VWF: variants seen among roughly 807,000 people sequenced by gnomAD.
The protein encoded by VWF is von Willebrand factor, also known as Factor VIII related antigen.
Under a neutral mutation model 308.6 loss-of-function variants are expected in VWF, and 176 were observed. The ratio of observed to expected loss-of-function variants is 0.57; its 90% CI spans 0.50 to 0.65. VWF has a LOEUF of 0.65. VWF is among the 30% of genes least tolerant of loss of function. The pLI is 0.00. For missense variants in VWF, 3,146 were observed against 3,648.2 expected (o/e 0.86, Z 3.55); for synonymous variants, 1,385 against 1,443.4 (o/e 0.96, Z 0.92).
chr12:6,059,713 T>G lies in VWF; in HGVS notation c.1534-1669A>C, dbSNP rs376214106. On this transcript the variant is annotated intron_variant, in intron 13 of 51. Transcript: ENST00000261405. ...CCTCGTAACACCATCACCTTGGGGG[T>G]TAGGATTTCAACATATAAATTTGGG... Among the ~76,000 whole-genome samples the G allele has an allele frequency of 5.3e-5, 8 of 152,190 alleles. No homozygotes were observed. The South Asian group carries it at 8.3e-4, about 16-fold the overall frequency.
At chr12:5,993,781 T>C (rs1420576951) in intron 37 of VWF, 81 bp downstream of exon 37, 40 of 1,336,798 alleles carry the variant, frequency 3.0e-5, no homozygotes, top group Non-Finnish European at 4.2e-5. Flanking sequence ...ATTAGCCAGA[T>C]AAAGAATCTG....
chr12:6,039,475 G>A (rs925743991), intron 18 of VWF, among the ~76,000 whole-genome samples: 5 of 152,136 alleles, frequency 3.3e-5, no homozygotes, highest in Admixed American at 1.3e-4. Context: ...AGTACTTTCA[G>A]GCCAAAGCAG....
intron 21 of VWF, among the ~76,000 whole-genome samples, chr12:6,030,645 G>T (rs1003299033): frequency 8.5e-5 from 13 of 152,146 alleles, no homozygotes; most frequent in African/African-American, 3.1e-4. Flanking sequence ...TTTTAAACAA[G>T]ATCTCCTAAG....
In VWF at chr12:6,049,323, C is replaced by T. The variant is rs1944481752; in HGVS notation, c.2187-2506G>A. ...TCAGCCCTGGTGCCTAAAAGAGAGACAAGGAGGACGCAGACATGGAGAGGT... is the reference window on the plus strand; with the variant it reads ...TCAGCCCTGGTGCCTAAAAGAGAGATAAGGAGGACGCAGACATGGAGAGGT... On this transcript the variant is annotated intron_variant, in intron 16 of 51. Transcript: ENST00000261405. 2.0e-5 allele frequency among the ~76,000 whole-genome samples: 3 copies of T among 152,298 alleles called. 1 individual carries two copies. The South Asian group carries it at 6.2e-4, about 32-fold the overall frequency.
chr12:5,990,895 AAAAAAAAAAAAAAT>A (rs1249546849), intron 38 of VWF, among the ~76,000 whole-genome samples: 10,506 of 59,182 alleles, frequency 0.18, 1,126 homozygotes, highest in Non-Finnish European at 0.22. Flanking sequence ...AAAAAAAAAA[AAAAAAAAAAAAAAT>A]TTTGATGACT....
At chr12:5,964,234 A>ACATGCATGCATGCATG (rs1555189783) in intron 47 of VWF, among the ~76,000 whole-genome samples, 27 of 144,106 alleles carry the variant, frequency 1.9e-4, no homozygotes, top group African/African-American at 7.1e-4. Flanking sequence ...ATACATACAT[A>ACATGCATGCATGCATG]CATACATACA....
chr12:5,974,271 C>A (rs954979120), intron 43 of VWF, among the ~76,000 whole-genome samples: 4 of 152,132 alleles, frequency 2.6e-5, no homozygotes, highest in Admixed American at 1.3e-4. Flanking sequence ...CCTCCCACGT[C>A]CCCTGAGATT....
chr12:6,042,471 G>A (rs368029301), intron 18 of VWF, among the ~76,000 whole-genome samples: 23 of 152,318 alleles, frequency 1.5e-4, no homozygotes, highest in African/African-American at 5.1e-4. Context: ...GGCACGCTGC[G>A]CACCCTTAAT....
Position 5,952,381 on chromosome 12 carries a change from G to T in VWF, c.8115+10C>A. The T allele has an allele frequency of 1.2e-6, 2 of 1,613,754 alleles. No individual in the cohort carries two copies. Among genetic ancestry groups the T allele is most frequent in the South Asian group, 2.2e-5 (2 of 91,028 alleles). ...GAGACAGTAAAGAGGAAAGCAGAAT[G>T]AGTACTCACTCCCTCAGCCAGACAC... is the stretch of plus-strand genomic sequence containing the variant. On this transcript the variant is annotated intron_variant, in intron 49 of 51. Coordinates refer to ENST00000261405, the MANE Select transcript of VWF (RefSeq NM_000552.5).
chr12:5,992,505 G>C (rs879011390), intron 37 of VWF, among the ~76,000 whole-genome samples: 2 of 152,212 alleles, frequency 1.3e-5, no homozygotes, highest in African/African-American at 2.4e-5. Flanking sequence ...CACCGCCTCC[G>C]ATCAGTTGTA....
intron 7 of VWF, among the ~76,000 whole-genome samples, chr12:6,073,978 C>T (rs1360108642): frequency 1.3e-5 from 2 of 152,116 alleles, no homozygotes; most frequent in African/African-American, 2.4e-5. Context: ...GCACCCAGGA[C>T]CCCCACCCTT....
chr12:5,977,776 G>C (rs2136365263), intron 42 of VWF, among the ~76,000 whole-genome samples: 1 of 151,592 alleles, frequency 6.6e-6, no homozygotes, highest in Admixed American at 6.6e-5. Context: ...GAGGCTGAGG[G>C]GGAGGATCGT....
intron 6 of VWF, among the ~76,000 whole-genome samples, chr12:6,088,498 A>C (rs1257471404): frequency 5.3e-5 from 7 of 131,280 alleles, no homozygotes; most frequent in African/African-American, 2.5e-4. Context: ...AAAAAGCGAG[A>C]GAGAGAGAGA....
intron 15 of VWF, among the ~76,000 whole-genome samples, chr12:6,055,551 G>A (rs936596686): frequency 2.6e-5 from 4 of 152,032 alleles, no homozygotes; most frequent in East Asian, 1.9e-4. Context: ...TTATGTGCTC[G>A]TCCCTTTCGT....
chr12:6,001,540 C>G (rs1373983466), intron 34 of VWF, among the ~76,000 whole-genome samples: 1 of 152,110 alleles, frequency 6.6e-6, no homozygotes, highest in African/African-American at 2.4e-5. Context: ...CAGTATAATT[C>G]ACAATGAAGC....
chr12:6,071,833 C>T (rs867392901), intron 9 of VWF, among the ~76,000 whole-genome samples: 4 of 152,302 alleles, frequency 2.6e-5, no homozygotes, highest in Middle Eastern at 3.4e-3. Flanking sequence ...ACTGGCAAAG[C>T]CAGCCAGAGG....
chr12:6,030,696 T>C (rs1325232059), intron 21 of VWF, among the ~76,000 whole-genome samples: 1 of 152,200 alleles, frequency 6.6e-6, no homozygotes, highest in East Asian at 1.9e-4. Context: ...TTTTAAGTTC[T>C]TAGTACACAG....
rs573901638 is a variant in VWF at position 6,029,996 on chromosome 12, T to A, written c.2821-508A>T. ...CTGAAGAAAAAGGAAACTGAGGTGC[T>A]CAGTGCTAGTGCTGGGAATCACACA... On this transcript the variant is annotated intron_variant, in intron 21 of 51. Coordinates refer to ENST00000261405, the MANE Select transcript of VWF (RefSeq NM_000552.5). Among the ~76,000 whole-genome samples, 3 of 152,264 alleles carry A rather than the reference T, an allele frequency of 2.0e-5. No homozygotes were observed. In the East Asian group the frequency reaches 5.8e-4, roughly 29 times the overall value.
At chr12:6,042,445 G>A (rs779310200) in intron 18 of VWF, among the ~76,000 whole-genome samples, 13 of 152,212 alleles carry the variant, frequency 8.5e-5, no homozygotes, top group Non-Finnish European at 1.5e-4. Context: ...AAGAACACGT[G>A]TCCCGTGCTG....
Sources: gnomAD v4.1 joint callset for allele counts (sites outside exome capture counted in the v4.1 genomes callset) on GRCh38, gnomAD v4.1.1 for gene constraint, MANE v1.5 for transcripts, NCBI Gene and HGNC (gene_info 2026-07-23, HGNC 2026-07-21) for gene names.